The following KIF2A variants were observed in gnomAD, a reference collection of about 807,000 sequenced individuals.
KIF2A encodes kinesin family member 2A.
Under a neutral mutation model 100.2 loss-of-function variants are expected in KIF2A, and 22 were observed. The observed-to-expected ratio is 0.22, with a 90% CI of 0.16 to 0.31. KIF2A has a LOEUF of 0.31. Among genes scored for constraint, KIF2A ranks in the 10% least tolerant of loss-of-function variants. The pLI, the probability that KIF2A is intolerant of heterozygous loss-of-function variation, is 1.00. For synonymous variants in KIF2A, 268 were observed against 285.9 expected (o/e 0.94, Z 0.63); for missense variants, 495 against 898.7 (o/e 0.55, Z 5.74).
chr5:62,358,048 A>G, intron 8 of KIF2A, 89 bp from the exon 9 acceptor site: 1 of 958,692 alleles, frequency 1.0e-6, no homozygotes. Context: ...TACTACTTGT[A>G]TCTTAGTTCT....
chr5:62,308,447 C>A, intron 1 of KIF2A: 1 of 958,484 alleles, frequency 1.0e-6, no homozygotes, highest in South Asian at 1.4e-5. Context: ...TCTGCACTCT[C>A]GCGTTCATTG....
At chr5:62,324,902 G>T (rs952493576) in intron 1 of KIF2A, among the ~76,000 whole-genome samples, 5 of 152,054 alleles carry the variant, frequency 3.3e-5, no homozygotes, top group Non-Finnish European at 7.4e-5. Flanking sequence ...AAGAAACAGA[G>T]TAAACAGACA....
chr5:62,306,868 G>A (rs1745315900), intron 1 of KIF2A: 1 of 328,622 alleles, frequency 3.0e-6, no homozygotes, highest in Non-Finnish European at 5.6e-6. Context: ...GGGGACACCA[G>A]CCCGGGAGGG....
intron 1 of KIF2A, among the ~76,000 whole-genome samples, chr5:62,314,432 C>G (rs1745705064): frequency 6.6e-6 from 1 of 152,086 alleles, no homozygotes; most frequent in South Asian, 2.1e-4. Context: ...CCACTGCACT[C>G]CAGCCTGGGT....
chr5:62,320,599 C>T (rs1746049914), intron 1 of KIF2A, among the ~76,000 whole-genome samples: 1 of 151,332 alleles, frequency 6.6e-6, no homozygotes, highest in African/African-American at 2.4e-5. Context: ...TAAGGGATGA[C>T]ATGCTTAATT....
intron 20 of KIF2A, among the ~76,000 whole-genome samples, chr5:62,384,245 T>G (rs911157814): frequency 3.3e-5 from 5 of 152,118 alleles, no homozygotes; most frequent in African/African-American, 1.2e-4. Flanking sequence ...TGAGACTCCA[T>G]CTCAAAAAAA....
intron 1 of KIF2A, among the ~76,000 whole-genome samples, chr5:62,323,531 A>G (rs1746214697): frequency 6.6e-6 from 1 of 151,800 alleles, no homozygotes; most frequent in Non-Finnish European, 1.5e-5. Context: ...TCAAAGAAAA[A>G]AAAAAAAAAG....
At chr5:62,320,558 C>T (rs1387632686) in intron 1 of KIF2A, among the ~76,000 whole-genome samples, 2 of 129,090 alleles carry the variant, frequency 1.5e-5, no homozygotes, top group Non-Finnish European at 3.4e-5. Context: ...CAGGCTGTGA[C>T]TATAGCATTT....
chr5:62,316,791 T>C (rs1561247442), intron 1 of KIF2A, among the ~76,000 whole-genome samples: 1 of 152,198 alleles, frequency 6.6e-6, no homozygotes, highest in Non-Finnish European at 1.5e-5. Flanking sequence ...TCAATTTTGC[T>C]GTGAACCTAA....
chr5:62,326,730 T>C (rs1746397470), intron 1 of KIF2A, among the ~76,000 whole-genome samples: 1 of 151,592 alleles, frequency 6.6e-6, no homozygotes, highest in Non-Finnish European at 1.5e-5. Context: ...GTGTGGTGGC[T>C]CACACCTATA....
In KIF2A at chr5:62,341,242, G is replaced by C. The variant is rs183572351; in HGVS notation, c.65-5888G>C. On this transcript the variant is annotated intron_variant, in intron 1 of 20. Coordinates refer to ENST00000407818, the MANE Select transcript of KIF2A (RefSeq NM_001098511.3). ...TTAAGGCTTTCTGGATGTGTACACTGGTGGTTGAGGTCATAGAGGTTCCAA... is the reference window on the plus strand; with the variant it reads ...TTAAGGCTTTCTGGATGTGTACACTCGTGGTTGAGGTCATAGAGGTTCCAA... 5.3e-5 allele frequency among the ~76,000 whole-genome samples: 8 copies of C among 152,098 alleles called. 1 individual carries two copies. Among genetic ancestry groups the C allele is most frequent in the Admixed American group, 4.6e-4 (7 of 15,262 alleles).
At chr5:62,348,302 C>CAG (rs1446443894) in intron 3 of KIF2A, 135 bp downstream of exon 3, 7 of 730,886 alleles carry the variant, frequency 9.6e-6, no homozygotes, top group African/African-American at 1.8e-5. Context: ...CCATCATATT[C>CAG]ATATATATAC....
intron 9 of KIF2A, among the ~76,000 whole-genome samples, chr5:62,359,481 A>G (rs1748279726): frequency 6.6e-6 from 1 of 152,026 alleles, no homozygotes; most frequent in Non-Finnish European, 1.5e-5. Flanking sequence ...ATCAAATTAA[A>G]GGACATATGA....
At chr5:62,308,355 T>A (rs1369171737) in intron 1 of KIF2A, 2 of 1,468,248 alleles carry the variant, frequency 1.4e-6, no homozygotes, top group Non-Finnish European at 1.8e-6. Flanking sequence ...ATTTACATAT[T>A]ATTTTGAAGA....
intron 16 of KIF2A, among the ~76,000 whole-genome samples, chr5:62,371,819 TGAA>T (rs1741340391): frequency 6.6e-6 from 1 of 152,314 alleles, no homozygotes; most frequent in Non-Finnish European, 1.5e-5. Flanking sequence ...ATATAACTAT[TGAA>T]GATGTTAGCA....
intron 13 of KIF2A, 69 bp downstream of exon 13, chr5:62,363,389 A>G: frequency 1.4e-6 from 2 of 1,402,500 alleles, no homozygotes; most frequent in Non-Finnish European, 1.9e-6. Context: ...TAACAAAATG[A>G]GGATGTTATC....
intron 9 of KIF2A, 118 bp downstream of exon 9, chr5:62,358,417 G>A: frequency 1.6e-6 from 1 of 618,634 alleles, no homozygotes. Context: ...GTTTTATTCT[G>A]AGTTTAAACA....
At chr5:62,336,098 A>G (rs776439795) in intron 1 of KIF2A, among the ~76,000 whole-genome samples, 7 of 152,224 alleles carry the variant, frequency 4.6e-5, no homozygotes, top group Non-Finnish European at 8.8e-5. Flanking sequence ...AGGAAACCAA[A>G]AAGGCATAGC....
At chr5:62,325,343 C>T (rs759103676) in intron 1 of KIF2A, among the ~76,000 whole-genome samples, 2 of 151,992 alleles carry the variant, frequency 1.3e-5, no homozygotes, top group Non-Finnish European at 1.5e-5. Context: ...AGGCTGGTCT[C>T]GAACTCCTGA....
Sources: allele counts gnomAD v4.1 joint callset (sites outside exome capture counted in the v4.1 genomes callset), GRCh38; gene constraint gnomAD v4.1.1; transcripts MANE v1.5; gene names NCBI Gene and HGNC (gene_info 2026-07-23, HGNC 2026-07-21).